TNFRSF19: variants seen among roughly 807,000 people sequenced by gnomAD.
TNFRSF19 encodes tumor necrosis factor receptor superfamily member 19.
In TNFRSF19, 27 loss-of-function variants were observed where a neutral mutation model predicts 46.4. The observed-to-expected ratio is 0.58, with a 90% CI of 0.43 to 0.80. The LOEUF is 0.80. Among genes scored for constraint, TNFRSF19 ranks in the 30% least tolerant of loss-of-function variants. The pLI, the probability that TNFRSF19 is intolerant of heterozygous loss-of-function variation, is 0.00. For synonymous variants in TNFRSF19, 204 were observed against 205.0 expected (o/e 1.00, Z 0.04); for missense variants, 511 against 530.8 (o/e 0.96, Z 0.37).
At chr13:23,617,918 TCGA>T (rs1237841809) in intron 4 of TNFRSF19, among the ~76,000 whole-genome samples, 1 of 152,052 alleles carries the variant, frequency 6.6e-6, no homozygotes, top group Non-Finnish European at 1.5e-5. Flanking sequence ...TCTAACTGGA[TCGA>T]CCACAAGATC....
At chr13:23,650,524 G>A (rs959218360) in intron 5 of TNFRSF19, among the ~76,000 whole-genome samples, 4 of 152,204 alleles carry the variant, frequency 2.6e-5, no homozygotes, top group African/African-American at 7.2e-5. Flanking sequence ...CCATTTATAT[G>A]ACATATGCAG....
intron 5 of TNFRSF19, among the ~76,000 whole-genome samples, chr13:23,629,701 G>A (rs1463804129): frequency 6.6e-6 from 1 of 152,214 alleles, no homozygotes; most frequent in Non-Finnish European, 1.5e-5. Context: ...AAATGCCCAA[G>A]TCTGCAGATT....
At chr13:23,622,500 G>A (rs920596092) in intron 4 of TNFRSF19, among the ~76,000 whole-genome samples, 2 of 152,030 alleles carry the variant, frequency 1.3e-5, no homozygotes, top group African/African-American at 4.8e-5. Flanking sequence ...TTGTCTCATG[G>A]TCCTCAAACT....
At chr13:23,592,606 G>A (rs910343592) in intron 2 of TNFRSF19, among the ~76,000 whole-genome samples, 4 of 152,182 alleles carry the variant, frequency 2.6e-5, no homozygotes, top group South Asian at 4.1e-4. Flanking sequence ...ATCAGTAAAG[G>A]CATAAGCTCA....
At chr13:23,667,764 T>C (rs1294475057) in intron 7 of TNFRSF19, among the ~76,000 whole-genome samples, 1 of 151,960 alleles carries the variant, frequency 6.6e-6, no homozygotes, top group East Asian at 1.9e-4. Flanking sequence ...TCCCCCCTTC[T>C]TCATCTGTCT....
chr13:23,587,817 A>G (rs1269362143), intron 1 of TNFRSF19, among the ~76,000 whole-genome samples: 1 of 152,168 alleles, frequency 6.6e-6, no homozygotes, highest in East Asian at 1.9e-4. Context: ...AAGGAGAAAA[A>G]GCTATCCTTT....
chr13:23,593,971 G>T (rs912894688), intron 3 of TNFRSF19, among the ~76,000 whole-genome samples: 3 of 152,168 alleles, frequency 2.0e-5, no homozygotes, highest in African/African-American at 4.8e-5. Flanking sequence ...GCAGGATGGG[G>T]TGTCACTTCA....
At position 23,593,446 on chromosome 13, in the gene TNFRSF19, G is replaced by GT. The variant is rs753613698; in HGVS notation, c.173dup (p.Leu58PhefsTer3). 1 of 1,598,676 alleles carries GT rather than the reference G, an allele frequency of 6.3e-7. No homozygotes were observed. The highest frequency in any genetic ancestry group is 8.5e-7 in the Non-Finnish European group (1 of 1,175,250). Reference sequence around the variant, plus strand: ...GCAACCAGTGTGGGCCAGGCATGGAGTTGTCTAAGGTATATTGGATACATG... The same window carrying GT: ...GCAACCAGTGTGGGCCAGGCATGGAGTTTGTCTAAGGTATATTGGATACATG... On this transcript the variant is annotated frameshift_variant, in exon 3 of 10. Coordinates refer to ENST00000248484, the MANE Select transcript of TNFRSF19 (RefSeq NM_148957.4). LOFTEE classifies it high-confidence loss of function.
intron 1 of TNFRSF19, among the ~76,000 whole-genome samples, chr13:23,580,061 T>A (rs1878298040): frequency 6.6e-6 from 1 of 152,156 alleles, no homozygotes; most frequent in Non-Finnish European, 1.5e-5. Context: ...GAATTATTAG[T>A]ATATTGATGA....
chr13:23,610,154 G>A (rs111577556), intron 3 of TNFRSF19, among the ~76,000 whole-genome samples: 5 of 152,170 alleles, frequency 3.3e-5, no homozygotes, highest in African/African-American at 1.2e-4. Flanking sequence ...ATAACGCACT[G>A]GCTGTACAAA....
intron 2 of TNFRSF19, among the ~76,000 whole-genome samples, chr13:23,591,724 CTTTCTTTT>C (rs889063889): frequency 7.1e-5 from 6 of 84,794 alleles, no homozygotes; most frequent in African/African-American, 1.4e-4. Context: ...TTCTTTCTTT[CTTTCTTTT>C]TTTTTTTTTT....
At chr13:23,588,614 A>AT (rs1270651871) in intron 1 of TNFRSF19, among the ~76,000 whole-genome samples, 1 of 152,142 alleles carries the variant, frequency 6.6e-6, no homozygotes, top group East Asian at 1.9e-4. Flanking sequence ...TAAATTACAC[A>AT]TTTTTTGCTT....
intron 4 of TNFRSF19, among the ~76,000 whole-genome samples, chr13:23,616,371 G>A (rs1197067787): frequency 6.6e-6 from 1 of 152,132 alleles, no homozygotes; most frequent in Admixed American, 6.5e-5. Context: ...CACAAAAGAG[G>A]TGACCCATGT....
intron 3 of TNFRSF19, among the ~76,000 whole-genome samples, chr13:23,609,775 TA>T (rs1566182234): frequency 6.6e-6 from 1 of 152,176 alleles, no homozygotes; most frequent in Non-Finnish European, 1.5e-5. Context: ...AGGAAAGTTT[TA>T]AAAAAATTAA....
intron 3 of TNFRSF19, among the ~76,000 whole-genome samples, chr13:23,606,599 T>G (rs1022366756): frequency 6.6e-6 from 1 of 152,108 alleles, no homozygotes; most frequent in African/African-American, 2.4e-5. Flanking sequence ...CAAATATTAC[T>G]TGGAAAAAAA....
intron 4 of TNFRSF19, among the ~76,000 whole-genome samples, chr13:23,619,504 C>T (rs1881515077): frequency 6.6e-6 from 1 of 151,952 alleles, no homozygotes. Flanking sequence ...TCCAATTGTA[C>T]ACTTTAAATG....
chr13:23,623,039 T>G (rs1881774851), intron 4 of TNFRSF19, among the ~76,000 whole-genome samples: 1 of 152,218 alleles, frequency 6.6e-6, no homozygotes, highest in Admixed American at 6.5e-5. Context: ...ATATTCACAT[T>G]GTTGTGAAAC....
chr13:23,588,055 A>G (rs776352473), intron 1 of TNFRSF19, among the ~76,000 whole-genome samples: 5 of 152,226 alleles, frequency 3.3e-5, no homozygotes, highest in African/African-American at 4.8e-5. Context: ...ATGAAGGACA[A>G]TAGTAGTTGC....
intron 1 of TNFRSF19, among the ~76,000 whole-genome samples, chr13:23,583,940 A>G (rs914114735): frequency 1.3e-5 from 2 of 152,240 alleles, no homozygotes. Flanking sequence ...TGTTGACTGA[A>G]CATTTTGAGA....
Sources: gnomAD v4.1 joint callset for allele counts (sites outside exome capture counted in the v4.1 genomes callset) on GRCh38, gnomAD v4.1.1 for gene constraint, MANE v1.5 for transcripts, NCBI Gene and HGNC (gene_info 2026-07-23, HGNC 2026-07-21) for gene names.